CNTN6: variants seen among roughly 807,000 people sequenced by gnomAD.
CNTN6 encodes contactin-6.
CNTN6 carries 137 observed loss-of-function variants against 122.8 expected under a neutral mutation model. The ratio of observed to expected loss-of-function variants is 1.12; its 90% CI spans 0.97 to 1.29. CNTN6 has a LOEUF of 1.29. Ranked by LOEUF, CNTN6 falls within the 50% of genes most tolerant of loss-of-function variation. The pLI is 0.00. For synonymous variants in CNTN6, 570 were observed against 426.0 expected (o/e 1.34, Z -4.16); for missense variants, 1,634 against 1,223.4 (o/e 1.34, Z -5.01).
At chr3:1,332,495 A>AAAGGAAGGAGGGAAGG (rs1553687664) in intron 11 of CNTN6, among the ~76,000 whole-genome samples, 4 of 118,552 alleles carry the variant, frequency 3.4e-5, no homozygotes, top group Non-Finnish European at 5.1e-5. Flanking sequence ...AGGAAGGAAA[A>AAAGGAAGGAGGGAAGG]AAGGAAGGAA....
intron 11 of CNTN6, among the ~76,000 whole-genome samples, chr3:1,338,666 C>T (rs1005352873): frequency 6.6e-6 from 1 of 152,050 alleles, no homozygotes; most frequent in Non-Finnish European, 1.5e-5. Context: ...TTACCTCTTG[C>T]TTCTAATTTC....
At chr3:1,281,174 A>T (rs770007578) in intron 5 of CNTN6, among the ~76,000 whole-genome samples, 24 of 152,182 alleles carry the variant, frequency 1.6e-4, no homozygotes, top group Non-Finnish European at 3.2e-4. Flanking sequence ...ATACAAGGGC[A>T]CGGGTCGTTG....
At chr3:1,336,736 G>A (rs766812655) in intron 11 of CNTN6, among the ~76,000 whole-genome samples, 2 of 151,918 alleles carry the variant, frequency 1.3e-5, no homozygotes, top group African/African-American at 2.4e-5. Context: ...TTCAATTATT[G>A]AACAAGCGGT....
intron 1 of CNTN6, among the ~76,000 whole-genome samples, chr3:1,136,206 G>A (rs944810121): frequency 6.6e-6 from 1 of 152,140 alleles, no homozygotes; most frequent in Non-Finnish European, 1.5e-5. Flanking sequence ...AGTCTGTGTG[G>A]TAGGTAGTAT....
chr3:1,375,958 T>A (rs1709796619), intron 16 of CNTN6, among the ~76,000 whole-genome samples: 1 of 152,042 alleles, frequency 6.6e-6, no homozygotes, highest in Non-Finnish European at 1.5e-5. Context: ...GGGAAAAATT[T>A]GAAATGAGGA....
chr3:1,171,023 C>G (rs2093349684), intron 2 of CNTN6, among the ~76,000 whole-genome samples: 1 of 152,196 alleles, frequency 6.6e-6, no homozygotes, highest in Non-Finnish European at 1.5e-5. Context: ...CCAATAGTTG[C>G]TTTAAGAACA....
intron 1 of CNTN6, among the ~76,000 whole-genome samples, chr3:1,140,009 T>C (rs534610714): frequency 2.6e-5 from 4 of 152,298 alleles, no homozygotes; most frequent in African/African-American, 9.6e-5. Context: ...CTTCAGGCCA[T>C]TTCTAGTTTA....
chr3:1,134,288 T>C (rs1415147064), intron 1 of CNTN6, among the ~76,000 whole-genome samples: 1 of 152,104 alleles, frequency 6.6e-6, no homozygotes, highest in Non-Finnish European at 1.5e-5. Flanking sequence ...GAGACCAGAG[T>C]TGTTGCTCCA....
chr3:1,372,368 G>C lies in CNTN6; in HGVS notation c.1562G>C (p.Cys521Ser), dbSNP rs1709156559. 6.2e-7 allele frequency: 1 copy of C among 1,613,216 alleles called. No homozygotes were observed. The highest frequency in any genetic ancestry group is 8.5e-7 in the Non-Finnish European group (1 of 1,179,534). ...GTTGGCGAGAGTATAGTGCTACCAT[G>C]CCAGGTGTCCCATGACCCCTCCATT... ...VTVGESIVLP[C>S]QVSHDPSIEV... Residue 521 changes from cysteine to serine, a missense_variant, in exon 13 of 23, where the codon TGC becomes TCC. By Grantham distance (112) the Cys-to-Ser change is moderately radical (BLOSUM62 -1). Coordinates refer to ENST00000446702, the MANE Select transcript of CNTN6 (RefSeq NM_001289080.2).
At chr3:1,256,355 A>G (rs1218760250) in intron 4 of CNTN6, among the ~76,000 whole-genome samples, 1 of 152,118 alleles carries the variant, frequency 6.6e-6, no homozygotes, top group African/African-American at 2.4e-5. Context: ...GAAATTTTGG[A>G]TGTTAAACCA....
chr3:1,156,955 A>G (rs1452087714), intron 2 of CNTN6, among the ~76,000 whole-genome samples: 2 of 151,106 alleles, frequency 1.3e-5, no homozygotes, highest in Non-Finnish European at 2.9e-5. Flanking sequence ...GGCCCAAGCA[A>G]TCCTCCTACC....
intron 20 of CNTN6, among the ~76,000 whole-genome samples, chr3:1,389,562 C>T (rs574794919): frequency 2.0e-5 from 3 of 152,246 alleles, no homozygotes; most frequent in East Asian, 3.9e-4. Context: ...TCACACATAA[C>T]AATATTAACT....
At chr3:1,116,508 T>C (rs1310597200) in intron 1 of CNTN6, among the ~76,000 whole-genome samples, 1 of 152,148 alleles carries the variant, frequency 6.6e-6, no homozygotes, top group Non-Finnish European at 1.5e-5. Flanking sequence ...AATGTGATCA[T>C]ACTATTTGAA....
intron 8 of CNTN6, among the ~76,000 whole-genome samples, chr3:1,324,703 C>T (rs890140564): frequency 6.7e-6 from 1 of 149,434 alleles, no homozygotes; most frequent in Non-Finnish European, 1.5e-5. Context: ...CTTGCATTGA[C>T]TTTTTTTTCC....
chr3:1,371,149 G>T (rs1708956899), intron 12 of CNTN6, among the ~76,000 whole-genome samples: 1 of 152,074 alleles, frequency 6.6e-6, no homozygotes, highest in Non-Finnish European at 1.5e-5. Flanking sequence ...GTAAAATGCA[G>T]TTACACATTA....
intron 12 of CNTN6, among the ~76,000 whole-genome samples, chr3:1,366,247 C>T (rs1261755854): frequency 6.6e-6 from 1 of 151,994 alleles, no homozygotes; most frequent in African/African-American, 2.4e-5. Flanking sequence ...AATAAGTAAC[C>T]CTTTGTTTTG....
intron 12 of CNTN6, among the ~76,000 whole-genome samples, chr3:1,359,798 C>T (rs1384455898): frequency 6.6e-6 from 1 of 152,082 alleles, no homozygotes; most frequent in Admixed American, 6.6e-5. Context: ...GACCCCATCA[C>T]ACCGATTTCC....
chr3:1,120,772 G>C (rs1386603340), intron 1 of CNTN6, among the ~76,000 whole-genome samples: 3 of 151,778 alleles, frequency 2.0e-5, no homozygotes, highest in Non-Finnish European at 4.4e-5. Flanking sequence ...TGTTTACTCT[G>C]TGATCTATTT....
At chr3:1,283,421 C>T (rs775893747) in intron 5 of CNTN6, among the ~76,000 whole-genome samples, 8 of 152,090 alleles carry the variant, frequency 5.3e-5, no homozygotes, top group South Asian at 4.2e-4. Flanking sequence ...CAAAAAATGT[C>T]GGCACAAACT....
Sources: gnomAD v4.1 joint callset for allele counts (sites outside exome capture counted in the v4.1 genomes callset) on GRCh38, gnomAD v4.1.1 for gene constraint, MANE v1.5 for transcripts, NCBI Gene and HGNC (gene_info 2026-07-23, HGNC 2026-07-21) for gene names.